Variants in EPHA6 observed in about 807,000 individuals in gnomAD.
The protein encoded by EPHA6 is ephrin type-A receptor 6.
EPHA6 carries 50 observed loss-of-function variants against 112.0 expected under a neutral mutation model. The observed-to-expected ratio is 0.45, with a 90% CI of 0.36 to 0.56. EPHA6 has a LOEUF of 0.56. Ranked by LOEUF, EPHA6 falls within the 20% of genes least tolerant of loss-of-function variation. The pLI, the probability that EPHA6 is intolerant of heterozygous loss-of-function variation, is 0.00. For synonymous variants in EPHA6, 529 were observed against 490.7 expected (o/e 1.08, Z -1.03); for missense variants, 1,280 against 1,417.4 (o/e 0.90, Z 1.56).
chr3:97,632,814 AAGAC>A (rs1404762153), intron 13 of EPHA6, among the ~76,000 whole-genome samples: 2 of 152,108 alleles, frequency 1.3e-5, no homozygotes, highest in African/African-American at 2.4e-5. Flanking sequence ...ATTCATGACT[AAGAC>A]AGTGCACTTT....
At chr3:97,095,406 C>G (rs921674598) in intron 3 of EPHA6, among the ~76,000 whole-genome samples, 2 of 151,860 alleles carry the variant, frequency 1.3e-5, no homozygotes, top group African/African-American at 4.8e-5. Flanking sequence ...ACATATGTAA[C>G]AAACTGCACC....
At chr3:97,055,866 A>C (rs1364722861) in intron 3 of EPHA6, among the ~76,000 whole-genome samples, 1 of 152,178 alleles carries the variant, frequency 6.6e-6, no homozygotes. Flanking sequence ...GGGCAAGCAT[A>C]GGCACTTTAG....
intron 11 of EPHA6, among the ~76,000 whole-genome samples, chr3:97,554,220 C>T (rs368352283): frequency 1.3e-5 from 2 of 151,810 alleles, no homozygotes; most frequent in African/African-American, 4.8e-5. Context: ...ACATCATAAA[C>T]CTGCTGTTAA....
At chr3:97,319,688 CA>C (rs796603114) in intron 5 of EPHA6, among the ~76,000 whole-genome samples, 41 of 129,076 alleles carry the variant, frequency 3.2e-4, no homozygotes, top group Non-Finnish European at 5.3e-4. Context: ...AAACAAAAAA[CA>C]AAAAAAAAAC....
At chr3:97,294,964 G>A (rs2080824470) in intron 5 of EPHA6, among the ~76,000 whole-genome samples, 1 of 152,054 alleles carries the variant, frequency 6.6e-6, no homozygotes, top group East Asian at 1.9e-4. Flanking sequence ...TGATGGGGGG[G>A]TTCTTAAATA....
intron 11 of EPHA6, among the ~76,000 whole-genome samples, chr3:97,571,530 G>C (rs542347584): frequency 1.6e-4 from 24 of 151,934 alleles, no homozygotes; most frequent in African/African-American, 4.3e-4. Flanking sequence ...TCAGTGACCT[G>C]GTTGCTGCAT....
intron 8 of EPHA6, among the ~76,000 whole-genome samples, chr3:97,477,897 C>T (rs2107471078): frequency 6.6e-6 from 1 of 152,168 alleles, no homozygotes; most frequent in Middle Eastern, 3.4e-3. Context: ...ACAAATTTAT[C>T]ATGTAACTAT....
At chr3:96,962,114 T>G (rs916306651) in intron 2 of EPHA6, among the ~76,000 whole-genome samples, 1 of 151,708 alleles carries the variant, frequency 6.6e-6, no homozygotes, top group Admixed American at 6.6e-5. Context: ...TGACCTGATG[T>G]GTACACAGAC....
chr3:97,369,537 T>C (rs914952856), intron 5 of EPHA6, among the ~76,000 whole-genome samples: 27 of 152,176 alleles, frequency 1.8e-4, no homozygotes, highest in Admixed American at 6.6e-4. Flanking sequence ...TTCCAGATAC[T>C]GGCGTGGGGA....
At chr3:96,994,759 A>AGAGAGAGAGAGAGAGAGAGAGCGAGC (rs763682996) in intron 3 of EPHA6, among the ~76,000 whole-genome samples, 24 of 116,226 alleles carry the variant, frequency 2.1e-4, no homozygotes, top group African/African-American at 5.7e-4. Context: ...AGAGAGAGAG[A>AGAGAGAGAGAGAGAGAGAGAGCGAGC]GAGCTATATA....
At chr3:97,018,363 C>G (rs577328655) in intron 3 of EPHA6, among the ~76,000 whole-genome samples, 1 of 152,122 alleles carries the variant, frequency 6.6e-6, no homozygotes, top group East Asian at 2.0e-4. Flanking sequence ...CAGCTGGGCC[C>G]GGGAGACCAC....
intron 3 of EPHA6, among the ~76,000 whole-genome samples, chr3:96,993,335 T>C (rs528348538): frequency 6.6e-6 from 1 of 151,568 alleles, no homozygotes; most frequent in South Asian, 2.1e-4. Context: ...TCTCTCTCTG[T>C]CACCAGGCTA....
chr3:97,154,985 TAA>T (rs2076256750), intron 3 of EPHA6, among the ~76,000 whole-genome samples: 1 of 152,158 alleles, frequency 6.6e-6, no homozygotes, highest in African/African-American at 2.4e-5. Context: ...TTAGGTAAAA[TAA>T]AGATTATATT....
At chr3:97,439,775 A>G in intron 6 of EPHA6, 1 of 256,192 alleles carries the variant, frequency 3.9e-6, no homozygotes, top group Non-Finnish European at 6.1e-6. Context: ...TTTCTGGGAC[A>G]GTTGGCCAGC....
intron 10 of EPHA6, among the ~76,000 whole-genome samples, chr3:97,520,168 T>G (rs768850184): frequency 1.3e-5 from 2 of 151,956 alleles, no homozygotes; most frequent in Non-Finnish European, 2.9e-5. Flanking sequence ...GGGGTTTCAC[T>G]GTGTTAGCCA....
rs146667811 is a variant in EPHA6, at chr3:96,869,273, T to A, written c.450+2384T>A. Among the ~76,000 whole-genome samples the A allele has an allele frequency of 5.9e-5, 9 of 151,972 alleles. No individual in the cohort carries two copies. The East Asian group carries it at 1.7e-3, about 30-fold the overall frequency. On this transcript the variant is annotated intron_variant, in intron 2 of 17. Coordinates refer to ENST00000389672, the MANE Select transcript of EPHA6 (RefSeq NM_001080448.3). The stretch of plus-strand genomic sequence containing the variant: ...CAGAATCACTAGGCCAAAGAATGTG[T>A]CTTCAGGTTGTTCTGAGTAATGTTT...
intron 1 of EPHA6, among the ~76,000 whole-genome samples, chr3:96,834,348 G>T (rs895723681): frequency 6.6e-6 from 1 of 152,014 alleles, no homozygotes; most frequent in Admixed American, 6.6e-5. Context: ...GAGAATTAAG[G>T]AAAAGTCATG....
At position 97,752,051 on chromosome 3, in the gene EPHA6, A is replaced by C; in HGVS notation, c.*3350A>C. 1 of 224,104 alleles carries C rather than the reference A, an allele frequency of 4.5e-6. No individual in the cohort carries two copies. Among genetic ancestry groups the C allele is most frequent in the East Asian group, 6.5e-5 (1 of 15,294 alleles). The allele number at this position is 224,104 out of a possible 1,614,324, so 13.9% of individuals were successfully genotyped here. Reference sequence around the variant, plus strand: ...AATTTTGGTGGTTTAACACGAATCAAGAATTATAGCACTTTTGCAATGAGT... The same window carrying C: ...AATTTTGGTGGTTTAACACGAATCACGAATTATAGCACTTTTGCAATGAGT... On this transcript the variant is annotated 3_prime_UTR_variant, in exon 18 of 18. Transcript: ENST00000389672.
intron 7 of EPHA6, among the ~76,000 whole-genome samples, chr3:97,459,654 G>A (rs558641181): frequency 3.9e-5 from 6 of 152,226 alleles, no homozygotes; most frequent in African/African-American, 1.2e-4. Flanking sequence ...AAACCACTGC[G>A]AACACATCTA....
Sources: gnomAD v4.1 joint callset for allele counts (sites outside exome capture counted in the v4.1 genomes callset) on GRCh38, gnomAD v4.1.1 for gene constraint, MANE v1.5 for transcripts, NCBI Gene and HGNC (gene_info 2026-07-23, HGNC 2026-07-21) for gene names.